PIK3R3: variants seen among roughly 807,000 people sequenced by gnomAD.
The protein encoded by PIK3R3 is phosphatidylinositol 3-kinase regulatory subunit gamma.
A neutral mutation model predicts 62.9 loss-of-function variants in PIK3R3; 64 were observed. The observed-to-expected ratio is 1.02, with a 90% CI of 0.83 to 1.25. The LOEUF (loss-of-function observed/expected upper bound fraction) is 1.25, where lower values mean the gene tolerates loss of function less well. Among genes scored for constraint, PIK3R3 ranks in the 50% most tolerant of loss-of-function variants. The probability of loss-of-function intolerance (pLI) is 0.00; values close to 1 mark genes in which losing one functional copy is unlikely to be tolerated. For synonymous variants in PIK3R3, 165 were observed against 189.0 expected (o/e 0.87, Z 1.04); for missense variants, 614 against 561.6 (o/e 1.09, Z -0.94).
chr1:46,109,442 A>G (rs1653529498), intron 1 of PIK3R3, among the ~76,000 whole-genome samples: 1 of 152,006 alleles, frequency 6.6e-6, no homozygotes, highest in South Asian at 2.1e-4. Context: ...TTCCTTCTTG[A>G]AAAATCTCTA....
At chr1:46,163,773 T>G in the PIK3R3 span, among the ~76,000 whole-genome samples, 11 of 152,186 alleles carry the variant, frequency 7.2e-5, no homozygotes, top group African/African-American at 2.4e-4. Flanking sequence ...CAGACCTTCA[T>G]TCACCTCCTG....
the PIK3R3 span, among the ~76,000 whole-genome samples, chr1:46,168,182 T>TA: frequency 4.0e-5 from 6 of 151,896 alleles, no homozygotes; most frequent in African/African-American, 1.2e-4. Context: ...TAAATTAAAT[T>TA]TAAAAAAAAA....
intron 1 of PIK3R3, among the ~76,000 whole-genome samples, chr1:46,108,386 C>A (rs1238424715): frequency 2.0e-5 from 3 of 152,204 alleles, no homozygotes; most frequent in Non-Finnish European, 4.4e-5. Flanking sequence ...CTGCCTGCTT[C>A]CTCTATTCCC....
chr1:46,126,764 C>T (rs1173399643), intron 1 of PIK3R3, among the ~76,000 whole-genome samples: 1 of 147,674 alleles, frequency 6.8e-6, no homozygotes, highest in African/African-American at 2.5e-5. Context: ...AAGCAAGACC[C>T]TGTCTCAAAA....
intron 1 of PIK3R3, among the ~76,000 whole-genome samples, chr1:46,102,648 G>A (rs557065696): frequency 1.7e-4 from 26 of 152,124 alleles, no homozygotes; most frequent in African/African-American, 5.5e-4. Context: ...AAAGAAGAGT[G>A]TTGGTAAGGA....
At chr1:46,074,311 AAAAAAAC>A (rs1571418176) in intron 3 of PIK3R3, among the ~76,000 whole-genome samples, 1 of 146,508 alleles carries the variant, frequency 6.8e-6, no homozygotes, top group East Asian at 2.0e-4. Flanking sequence ...AAAAAAAAAA[AAAAAAAC>A]CAATAAATTC....
At chr1:46,174,503 A>T in the PIK3R3 span, among the ~76,000 whole-genome samples, 1 of 152,172 alleles carries the variant, frequency 6.6e-6, no homozygotes, top group Non-Finnish European at 1.5e-5. Flanking sequence ...CCAGGGGGCC[A>T]GGCCACCAAA....
At chr1:46,060,608 T>C (rs114927846) in intron 6 of PIK3R3, among the ~76,000 whole-genome samples, 1 of 152,210 alleles carries the variant, frequency 6.6e-6, no homozygotes. Context: ...GAAAACAGAC[T>C]GAGAAAAGTT....
At chr1:46,046,269 T>A (rs1408188790) in intron 8 of PIK3R3, among the ~76,000 whole-genome samples, 181 bp from the exon 9 acceptor site, 1 of 152,160 alleles carries the variant, frequency 6.6e-6, no homozygotes, top group Non-Finnish European at 1.5e-5. Context: ...TTTCATCCAA[T>A]AAGCTGAAAT....
rs74227069 is a variant in PIK3R3, at chr1:46,051,781, A to G, written c.941+4014T>C. Among the ~76,000 whole-genome samples the G allele has an allele frequency of 5.5e-4, 84 of 152,340 alleles. No homozygotes were observed. In the East Asian group the frequency reaches 0.013, roughly 23 times the overall value. ...CAAGACAACCAAATAGATGCCTGAAAGCAGACAGTACTAAACCCTATATAT... is the reference window on the plus strand; with the variant it reads ...CAAGACAACCAAATAGATGCCTGAAGGCAGACAGTACTAAACCCTATATAT... On this transcript the variant is annotated intron_variant, in intron 7 of 9. Transcript: ENST00000262741.
At chr1:46,071,502 C>T (rs1413307442) in intron 3 of PIK3R3, among the ~76,000 whole-genome samples, 1 of 151,208 alleles carries the variant, frequency 6.6e-6, no homozygotes, top group Non-Finnish European at 1.5e-5. Flanking sequence ...TCAAGACCAA[C>T]CTGGCCAACA....
intron 7 of PIK3R3, among the ~76,000 whole-genome samples, chr1:46,054,608 A>T (rs562990731): frequency 6.6e-6 from 1 of 152,200 alleles, no homozygotes; most frequent in South Asian, 2.1e-4. Flanking sequence ...CATCAAGGTC[A>T]CCCATAGATG....
Position 46,040,193 on chromosome 1 carries a change from C to A in PIK3R3, c.*3480G>T. ...TACTGGAGCAAGTTGGCCAGACTGT[C>A]CCCTCTTGGGGAAGGTATTAAACAA... On this transcript the variant is annotated 3_prime_UTR_variant, in exon 10 of 10. Transcript: ENST00000262741. 1 of 220,304 alleles carries A rather than the reference C, an allele frequency of 4.5e-6. No individual in the cohort carries two copies. The allele number at this position is 220,304 out of a possible 1,614,324, so 13.6% of individuals were successfully genotyped here. A position where few individuals can be genotyped will look rare whatever the true frequency, so the allele number is the denominator to read the frequency against.
chr1:46,089,663 C>G (rs1235661048), intron 1 of PIK3R3, among the ~76,000 whole-genome samples: 2 of 148,288 alleles, frequency 1.3e-5, no homozygotes, highest in Non-Finnish European at 3.0e-5. Context: ...TGCAGTGAGC[C>G]GAGATCACGC....
chr1:46,139,846 T>C, the PIK3R3 span, among the ~76,000 whole-genome samples: 264 of 152,336 alleles, frequency 1.7e-3, 1 homozygote, highest in Middle Eastern at 6.8e-3. Flanking sequence ...CCTATCTTCT[T>C]TTCCAAGACA....
intron 1 of PIK3R3, among the ~76,000 whole-genome samples, chr1:46,109,493 T>G (rs1653535461): frequency 6.6e-6 from 1 of 150,520 alleles, no homozygotes; most frequent in African/African-American, 2.4e-5. Flanking sequence ...TTTTGTTTTG[T>G]TTTTTTTTGA....
intron 3 of PIK3R3, among the ~76,000 whole-genome samples, chr1:46,070,444 T>C (rs1364410308): frequency 1.3e-5 from 2 of 152,110 alleles, no homozygotes; most frequent in African/African-American, 4.8e-5. Context: ...AAAAGCAAGT[T>C]CTATAGTTAA....
At position 46,045,617 on chromosome 1, in the gene PIK3R3, C is replaced by CTTTTTTTTTTT. The variant is rs1031388121; in HGVS notation, c.1187+290_1187+300dup. Among the ~76,000 whole-genome samples the CTTTTTTTTTTT allele has an allele frequency of 5.2e-4, 11 of 21,210 alleles. 2 individuals carry two copies. Among genetic ancestry groups the CTTTTTTTTTTT allele is most frequent in the Non-Finnish European group, 6.3e-4 (8 of 12,630 alleles). The allele number at this position is 21,210 out of a possible 152,430, so 13.9% of individuals were successfully genotyped here. On this transcript the variant is annotated intron_variant, in intron 9 of 9. Coordinates refer to ENST00000262741, the MANE Select transcript of PIK3R3 (RefSeq NM_003629.4). ...TAGGATACTACTAAACAATTAAGTG[C>CTTTTTTTTTTT]TTTTTTTTTTTTTTTTTTTTTTTTT...
the PIK3R3 span, among the ~76,000 whole-genome samples, chr1:46,165,810 A>C: frequency 1.0e-4 from 10 of 95,356 alleles, no homozygotes; most frequent in South Asian, 2.3e-3. Flanking sequence ...CTCACTCTGT[A>C]GCCCAGGTTG....
Sources: allele counts gnomAD v4.1 joint callset (sites outside exome capture counted in the v4.1 genomes callset), GRCh38; gene constraint gnomAD v4.1.1; transcripts MANE v1.5; gene names NCBI Gene and HGNC (gene_info 2026-07-23, HGNC 2026-07-21).